Variants in MYH7B observed in about 807,000 individuals in gnomAD.
MYH7B encodes myosin heavy chain 7B.
MYH7B carries 205 observed loss-of-function variants against 234.5 expected under a neutral mutation model. That is an observed-to-expected ratio of 0.87 (90% CI 0.78 to 0.98). The LOEUF is 0.98. Among genes scored for constraint, MYH7B ranks in the 50% least tolerant of loss-of-function variants. MYH7B has a pLI of 0.00. For missense variants in MYH7B, 2,652 were observed against 2,633.4 expected (o/e 1.01, Z -0.15); for synonymous variants, 1,193 against 1,105.0 (o/e 1.08, Z -1.58).
rs1305419477 is a variant in MYH7B at position 34,998,833 on chromosome 20, A to C, written c.4108A>C (p.Lys1370Gln). The change falls in exon 35 of 45, where the codon AAG becomes CAG. Residue 1370 changes from lysine to glutamine, a missense_variant. Physicochemically the swap from Lys to Gln is moderately conservative, Grantham distance 53 (BLOSUM62 1). This residue lies in a region of MYH7B where 2,279 missense variants were observed against 2,211.4 expected (regional missense o/e 1.03). Transcript: ENST00000262873. Reference sequence around the variant, plus strand: ...GGCTGAGCTGCAGCGGCTGCTGTCCAAGGCCAATGCCGAGGTGGCCCAGTG... The same window carrying C: ...GGCTGAGCTGCAGCGGCTGCTGTCCCAGGCCAATGCCGAGGTGGCCCAGTG... 6 of 1,613,086 alleles carry C rather than the reference A, an allele frequency of 3.7e-6. No individual in the cohort carries two copies. The South Asian group carries it at 6.6e-5, about 18-fold the overall frequency.
At chr20:34,969,761 T>C (rs6120775) in intron 2 of MYH7B, among the ~76,000 whole-genome samples, 28,794 of 151,900 alleles carry the variant, frequency 0.19, 2,815 homozygotes, top group Middle Eastern at 0.33. Flanking sequence ...GCCAGACTGG[T>C]CTTAAACTCC....
chr20:34,994,599 G>A (rs1234623192), intron 27 of MYH7B, among the ~76,000 whole-genome samples, 198 bp downstream of exon 27: 2 of 152,070 alleles, frequency 1.3e-5, no homozygotes, highest in South Asian at 2.1e-4. Flanking sequence ...CTCTCCCCTC[G>A]TGCCACCTTG....
intron 7 of MYH7B, chr20:34,980,342 A>C: frequency 2.3e-6 from 1 of 441,318 alleles, no homozygotes; most frequent in Non-Finnish European, 4.1e-6. Flanking sequence ...TGACGTCAGA[A>C]GTTCGAGACC....
intron 5 of MYH7B, among the ~76,000 whole-genome samples, chr20:34,979,083 G>C (rs914312106): frequency 6.6e-6 from 1 of 152,184 alleles, no homozygotes; most frequent in African/African-American, 2.4e-5. Flanking sequence ...CATTTTGCAT[G>C]TGAGGGAACT....
At chr20:34,987,425 C>T in intron 16 of MYH7B, 132 bp from the exon 17 acceptor site, 2 of 1,423,622 alleles carry the variant, frequency 1.4e-6, no homozygotes, top group Non-Finnish European at 1.9e-6. Flanking sequence ...CCCTTACCCT[C>T]CTGAGGCTTT....
At chr20:34,994,441 C>G (rs1466913856) in intron 27 of MYH7B, 40 bp downstream of exon 27, 1 of 1,531,438 alleles carries the variant, frequency 6.5e-7, no homozygotes, top group East Asian at 2.3e-5. Context: ...GTCCCCAGCC[C>G]CGAGTACCCC....
rs201800075 is a variant in MYH7B, at chr20:35,000,795, A to C, written c.5206A>C (p.Lys1736Gln). The C allele has an allele frequency of 5.2e-4, 847 of 1,613,820 alleles. 1 individual carries two copies. Among genetic ancestry groups the C allele is most frequent in the South Asian group, 5.7e-4 (52 of 91,040 alleles). The change falls in exon 40 of 45, where the codon AAG becomes CAG. Residue 1736 changes from lysine (K) to glutamine (Q), a missense_variant. Around this residue, in one of 3 missense-constraint regions of MYH7B, gnomAD observed 2,279 missense variants for 2,211.4 expected, o/e 1.03. Coordinates refer to ENST00000262873, the Ensembl canonical transcript of MYH7B. ...CACAGGCCTCCTAAACCAGAAGAAG[A>C]AGCTGGAGGCGGACTTGGCCCAGCT... is the stretch of plus-strand genomic sequence containing the variant.
At position 34,988,401 on chromosome 20, in the gene MYH7B, T is replaced by C. The variant is rs1007123995; in HGVS notation, c.1587+139T>C. 6 of 963,634 alleles carry C rather than the reference T, an allele frequency of 6.2e-6. No individual in the cohort carries two copies. In the African/African-American group the frequency reaches 8.4e-5, roughly 14 times the overall value. The allele number at this position is 963,634 out of a possible 1,614,324, so 59.7% of individuals were successfully genotyped here. A position where few individuals can be genotyped will look rare whatever the true frequency, so the allele number is the denominator to read the frequency against. On this transcript the variant is annotated intron_variant, in intron 19 of 44. Transcript: ENST00000262873. Reference sequence around the variant, plus strand: ...CTGTGCGTTGCAGTAAGCATGCATGTGAGTGTAGTTGTGACAGCGTTTATG... The same window carrying C: ...CTGTGCGTTGCAGTAAGCATGCATGCGAGTGTAGTTGTGACAGCGTTTATG...
intron 3 of MYH7B, among the ~76,000 whole-genome samples, 165 bp downstream of exon 3, chr20:34,975,664 A>T (rs919534998): frequency 6.6e-6 from 1 of 152,140 alleles, no homozygotes; most frequent in Non-Finnish European, 1.5e-5. Context: ...TGTAGGACTA[A>T]TTCCTAATAG....
At chr20:35,001,473 G>A (rs1374684404) in exon 43 of MYH7B, 1 of 1,610,320 alleles carries the variant, frequency 6.2e-7, no homozygotes, top group Non-Finnish European at 8.5e-7. Context: ...GCAGGACCTG[G>A]TGGACAAGCT....
chr20:34,982,556 G>A lies in MYH7B; in HGVS notation c.624+1G>A, dbSNP rs1050997719. 9 of 1,594,202 alleles carry A rather than the reference G, an allele frequency of 5.6e-6. No homozygotes were observed. The highest frequency in any genetic ancestry group is 1.3e-5 in the African/African-American group (1 of 74,082). ...GGGAGACGGGCCGGGCAAGAAGGCC[G>A]TAAGACTTGCCCACTCGGGCATGCT... On this transcript the variant is annotated splice_donor_variant, in intron 10 of 44. Transcript: ENST00000262873. LOFTEE classifies it high-confidence loss of function.
exon 39 of MYH7B, chr20:35,000,439 C>T: frequency 6.2e-7 from 1 of 1,601,906 alleles, no homozygotes; most frequent in Admixed American, 1.7e-5. Context: ...ACCCGTCAGG[C>T]CACAGAGGCC....
At chr20:34,990,928 G>A (rs1431773187) in intron 23 of MYH7B, 76 bp from the exon 24 acceptor site, 12 of 1,561,236 alleles carry the variant, frequency 7.7e-6, no homozygotes, top group Non-Finnish European at 9.7e-6. Flanking sequence ...ACCTCGCAGG[G>A]TCTCCACTGC....
chr20:34,957,336 G>A (rs1052586867), intron 1 of MYH7B, among the ~76,000 whole-genome samples: 8 of 152,166 alleles, frequency 5.3e-5, no homozygotes, highest in African/African-American at 1.9e-4. Flanking sequence ...AGAAAGCAGA[G>A]AGAGTTAAGA....
chr20:34,998,194 C>T, intron 32 of MYH7B, 101 bp from the exon 33 acceptor site: 1 of 1,401,096 alleles, frequency 7.1e-7, no homozygotes, highest in Non-Finnish European at 9.9e-7. Flanking sequence ...CCTGGGCCCA[C>T]ATCTAGCTTA....
chr20:34,979,706 C>T lies in MYH7B; in HGVS notation c.244C>T (p.Arg82Cys), dbSNP rs572570454. The T allele has an allele frequency of 2.7e-5, 43 of 1,614,204 alleles. 1 individual carries two copies. In the Middle Eastern group the frequency reaches 2.1e-3, roughly 81 times the overall value. ...CGAGCTGCAGCCCATGAACCCGCCT[C>T]GCTTCGACTTACTGGAGGACATGGC... The change falls in exon 7 of 45, where the codon CGC becomes TGC. Residue 82 changes from arginine (R) to cysteine (C), a missense_variant. Physicochemically the swap from Arg to Cys is radical, Grantham distance 180. This residue lies in a region of MYH7B where 366 missense variants were observed against 401.2 expected (regional missense o/e 0.91). Transcript: ENST00000262873.
chr20:34,974,860 C>T (rs1381663252), intron 2 of MYH7B, among the ~76,000 whole-genome samples: 1 of 152,166 alleles, frequency 6.6e-6, no homozygotes, highest in Non-Finnish European at 1.5e-5. Flanking sequence ...TGGCAAGGTG[C>T]CGGGGACACA....
chr20:34,976,849 C>T (rs1202271425), intron 3 of MYH7B, among the ~76,000 whole-genome samples: 1 of 152,204 alleles, frequency 6.6e-6, no homozygotes, highest in Non-Finnish European at 1.5e-5. Context: ...TGCAAAGCTA[C>T]ATTTTCAGCC....
chr20:34,984,580 T>A (rs1452091906), intron 10 of MYH7B, 112 bp from the exon 11 acceptor site: 4 of 933,110 alleles, frequency 4.3e-6, no homozygotes, highest in Admixed American at 2.5e-5. Context: ...TTCCGGTGAC[T>A]AACTCCACCC....
Sources: allele counts gnomAD v4.1 joint callset (sites outside exome capture counted in the v4.1 genomes callset), GRCh38; gene constraint gnomAD v4.1.1; regional missense constraint gnomAD v4.1.1; transcripts MANE v1.5; gene names NCBI Gene and HGNC (gene_info 2026-07-23, HGNC 2026-07-21).